Variants in SLC6A12 observed in about 807,000 individuals in gnomAD.
SLC6A12 encodes solute carrier family 6 member 12, also known as sodium- and chloride-dependent betaine transporter.
SLC6A12 carries 50 observed loss-of-function variants against 73.3 expected under a neutral mutation model. That is an observed-to-expected ratio of 0.68 (90% CI 0.54 to 0.86). The LOEUF is 0.86. SLC6A12 is among the 40% of genes least tolerant of loss of function. SLC6A12 has a pLI of 0.00. For synonymous variants in SLC6A12, 304 were observed against 309.2 expected (o/e 0.98, Z 0.18); for missense variants, 648 against 772.8 (o/e 0.84, Z 1.92).
In SLC6A12 at chr12:202,820, A is replaced by G. The variant is rs748734775; in HGVS notation, c.410T>C (p.Leu137Pro). Residue 137 changes from leucine (L) to proline (P), a missense_variant, in exon 5 of 16, where the codon CTT (leucine) becomes CCT (proline). Transcript: ENST00000684302. ...GAACAGGTAGAAGAGAGCCCAGGCA[A>G]GGATGATGATGTAGTAGACATTCAA... ...SYLNVYYIII[L>P]AWALFYLFSS... 4.6e-5 allele frequency: 74 copies of G among 1,613,888 alleles called. No homozygotes were observed. The highest frequency in any genetic ancestry group is 6.0e-5 in the Non-Finnish European group (71 of 1,179,894).
chr12:186,063 G>T (rs116247093), downstream of SLC6A12, among the ~76,000 whole-genome samples: 1,715 of 152,164 alleles, frequency 0.011, 41 homozygotes, highest in African/African-American at 0.038. Context: ...GTGAGCCCAG[G>T]GTCAGGGGAG....
intron 7 of SLC6A12, 80 bp from the exon 8 acceptor site, chr12:199,011 G>T: frequency 1.4e-6 from 2 of 1,451,540 alleles, no homozygotes; most frequent in Non-Finnish European, 1.9e-6. Flanking sequence ...GGCAGCTCGA[G>T]TCACACGGAG....
At chr12:194,136 A>G (rs1939751607) in intron 13 of SLC6A12, 1 of 152,276 alleles carries the variant, frequency 6.6e-6, no homozygotes, top group Non-Finnish European at 1.5e-5. Context: ...TGAAAAGCCA[A>G]AGTTAAAAGC....
intron 7 of SLC6A12, among the ~76,000 whole-genome samples, chr12:199,987 G>A (rs995520327): frequency 2.0e-5 from 3 of 152,056 alleles, no homozygotes; most frequent in Admixed American, 6.5e-5. Flanking sequence ...ACACACATAC[G>A]TATGAGAGAA....
chr12:189,287 G>C (rs1014634901), downstream of SLC6A12, among the ~76,000 whole-genome samples: 2 of 152,198 alleles, frequency 1.3e-5, no homozygotes, highest in African/African-American at 4.8e-5. Flanking sequence ...GCCGCAGACA[G>C]CGCTGCGCCG....
intron 9 of SLC6A12, 101 bp from the exon 10 acceptor site, chr12:197,602 C>A: frequency 7.9e-7 from 1 of 1,272,044 alleles, no homozygotes. Flanking sequence ...TGAGAGGGGA[C>A]CAAGGAGAGA....
rs192530651 is a variant in SLC6A12 at position 194,957 on chromosome 12, A to G, written c.1429+268T>C. On this transcript the variant is annotated intron_variant, in intron 13 of 15. Coordinates refer to ENST00000684302, the MANE Select transcript of SLC6A12 (RefSeq NM_001122848.3). ...GCCTCAGGCCACCTCCATATCGAGG[A>G]CACTGTGCGCTGTGCACTGTTATTG... Among the ~76,000 whole-genome samples the G allele has an allele frequency of 4.7e-4, 71 of 152,334 alleles. No homozygotes were observed. In the Middle Eastern group the frequency reaches 0.02, roughly 44 times the overall value.
chr12:196,076 G>A, intron 12 of SLC6A12, 48 bp downstream of exon 12: 1 of 1,537,558 alleles, frequency 6.5e-7, no homozygotes, highest in South Asian at 1.2e-5. Flanking sequence ...TGTCCCCCGT[G>A]GCTCCCTCCC....
chr12:189,934 T>C (rs1939522928), downstream of SLC6A12: 1 of 152,154 alleles, frequency 6.6e-6, no homozygotes, highest in South Asian at 2.1e-4. Context: ...TCGGGCCAGG[T>C]GATGATGGGC....
At chr12:210,539 G>T (rs1940860748) in intron 2 of SLC6A12, 1 of 283,612 alleles carries the variant, frequency 3.5e-6, no homozygotes, top group Non-Finnish European at 5.3e-6. Flanking sequence ...TCAGCTCAGA[G>T]TAAACAGGGG....
chr12:189,417 A>AGCGAGG (rs954967160), downstream of SLC6A12, among the ~76,000 whole-genome samples: 4 of 152,152 alleles, frequency 2.6e-5, no homozygotes, highest in Non-Finnish European at 5.9e-5. Flanking sequence ...CGGTCCAAGG[A>AGCGAGG]GCGAGGGCAC....
At chr12:188,382 C>G (rs1284995876), downstream of SLC6A12, among the ~76,000 whole-genome samples, 1 of 152,180 alleles carries the variant, frequency 6.6e-6, no homozygotes, top group Non-Finnish European at 1.5e-5. Context: ...TGGGGCCCGC[C>G]GAGCCCACGC....
At chr12:187,589 C>CAAAAGAGCAAAAA (rs1939453849), downstream of SLC6A12, among the ~76,000 whole-genome samples, 2 of 106,072 alleles carry the variant, frequency 1.9e-5, no homozygotes, top group African/African-American at 1.1e-4. Flanking sequence ...TGCAAAAGAG[C>CAAAAGAGCAAAAA]AAAAAAAAAA....
At chr12:202,924 T>C (rs1267982531) in intron 4 of SLC6A12, 44 bp from the exon 5 acceptor site, 2 of 1,590,126 alleles carry the variant, frequency 1.3e-6, no homozygotes, top group African/African-American at 2.7e-5. Flanking sequence ...GAGAGATCAA[T>C]GTTAGCAAAA....
intron 15 of SLC6A12, 56 bp downstream of exon 15, chr12:192,422 G>T: frequency 6.5e-7 from 1 of 1,532,190 alleles, no homozygotes. Context: ...CCTGCCCCAA[G>T]TCCAGCCTCT....
At chr12:186,638 G>A (rs1789236347), downstream of SLC6A12, among the ~76,000 whole-genome samples, 3 of 152,222 alleles carry the variant, frequency 2.0e-5, no homozygotes, top group African/African-American at 7.2e-5. Flanking sequence ...ATTAGTGGGA[G>A]GCCTGGATTC....
At position 195,339 on chromosome 12, in the gene SLC6A12, G is replaced by A. The variant is rs778463269; in HGVS notation, c.1327-12C>T. 3 of 1,560,466 alleles carry A rather than the reference G, an allele frequency of 1.9e-6. No homozygotes were observed. The South Asian group carries it at 3.3e-5, about 17-fold the overall frequency. On this transcript the variant is annotated splice_polypyrimidine_tract_variant and intron_variant, in intron 12 of 15. Transcript: ENST00000684302. ...ATGTACATCCCGCCCTGTGGGGAGA[G>A]CGTGGAGCTGGGGCATGGCCAGTGC...
chr12:199,164 A>G (rs1940080066), intron 7 of SLC6A12: 2 of 531,210 alleles, frequency 3.8e-6, no homozygotes, highest in South Asian at 4.9e-5. Context: ...GGGGAGGAGG[A>G]AGACAGGGAG....
At chr12:189,846 G>A (rs970044980), downstream of SLC6A12, among the ~76,000 whole-genome samples, 3 of 152,042 alleles carry the variant, frequency 2.0e-5, no homozygotes, top group African/African-American at 7.2e-5. Flanking sequence ...CGCCCCCTGG[G>A]ACACTCTCAC....
Sources: gnomAD v4.1 joint callset for allele counts (sites outside exome capture counted in the v4.1 genomes callset) on GRCh38, gnomAD v4.1.1 for gene constraint, MANE v1.5 for transcripts, NCBI Gene and HGNC (gene_info 2026-07-23, HGNC 2026-07-21) for gene names.